The following ETV1 variants were observed in gnomAD, a reference collection of about 807,000 sequenced individuals.
ETV1 encodes ETS variant transcription factor 1, also known as ETS translocation variant 1.
In ETV1, 27 loss-of-function variants were observed where a neutral mutation model predicts 62.3. The ratio of observed to expected loss-of-function variants is 0.43; its 90% CI spans 0.32 to 0.60. The LOEUF is 0.60. Ranked by LOEUF, ETV1 falls within the 20% of genes least tolerant of loss-of-function variation. The pLI is 0.06. For missense variants in ETV1, 605 were observed against 605.8 expected (o/e 1.00, Z 0.01); for synonymous variants, 222 against 199.6 (o/e 1.11, Z -0.94).
intron 9 of ETV1, among the ~76,000 whole-genome samples, chr7:13,920,881 A>C (rs1784767764): frequency 6.6e-6 from 1 of 152,244 alleles, no homozygotes; most frequent in Non-Finnish European, 1.5e-5. Context: ...AGGCAAAGTC[A>C]AATTGTGAGG....
Position 13,891,838 on chromosome 7 carries a change from A to G in ETV1, c.*4028T>C, listed in dbSNP as rs186913334. Reference sequence around the variant, plus strand: ...TCCTCTCTTCTCCATACCAAATCGCAAATGGAAAATAGCTTACTCACTTCT... The same window carrying G: ...TCCTCTCTTCTCCATACCAAATCGCGAATGGAAAATAGCTTACTCACTTCT... On this transcript the variant is annotated 3_prime_UTR_variant, in exon 14 of 14. Transcript: ENST00000430479. 4.3e-6 allele frequency: 1 copy of G among 231,532 alleles called. No homozygotes were observed. The highest frequency in any genetic ancestry group is 8.5e-6 in the Non-Finnish European group (1 of 117,118). 14.3% of individuals were successfully genotyped at this position (231,532 alleles called of 1,614,324 possible). A position where few individuals can be genotyped will look rare whatever the true frequency, so the allele number is the denominator to read the frequency against.
At chr7:13,926,123 C>G (rs1785399389) in intron 9 of ETV1, among the ~76,000 whole-genome samples, 3 of 152,136 alleles carry the variant, frequency 2.0e-5, no homozygotes, top group South Asian at 4.2e-4. Flanking sequence ...TTTACAAGTA[C>G]CCATAACTTA....
intron 6 of ETV1, among the ~76,000 whole-genome samples, chr7:13,948,912 C>G (rs950483553): frequency 6.6e-6 from 1 of 152,016 alleles, no homozygotes; most frequent in Non-Finnish European, 1.5e-5. Context: ...AAATGTGCAG[C>G]CTTGTGTAGC....
chr7:13,927,326 C>A (rs1255717851), intron 9 of ETV1, among the ~76,000 whole-genome samples: 1 of 152,052 alleles, frequency 6.6e-6, no homozygotes, highest in Non-Finnish European at 1.5e-5. Flanking sequence ...GTGGCACACG[C>A]CTGTAGTCCC....
intron 6 of ETV1, among the ~76,000 whole-genome samples, chr7:13,961,582 A>G (rs1275117240): frequency 6.6e-6 from 1 of 152,220 alleles, no homozygotes; most frequent in East Asian, 1.9e-4. Context: ...ATCTTAATTG[A>G]AAAATCAACA....
chr7:13,950,802 T>C (rs1402164510), intron 6 of ETV1, among the ~76,000 whole-genome samples: 1 of 152,018 alleles, frequency 6.6e-6, no homozygotes, highest in Non-Finnish European at 1.5e-5. Flanking sequence ...CATTTCTTTG[T>C]TTCAGAGTGG....
At chr7:13,920,988 TCTA>T (rs1157359034) in intron 9 of ETV1, among the ~76,000 whole-genome samples, 1 of 152,198 alleles carries the variant, frequency 6.6e-6, no homozygotes, top group East Asian at 1.9e-4. Context: ...GATTAAGTGA[TCTA>T]CTAGTCCACA....
chr7:13,959,755 T>C (rs940159848), intron 6 of ETV1, among the ~76,000 whole-genome samples: 18 of 151,948 alleles, frequency 1.2e-4, no homozygotes, highest in Admixed American at 1.3e-4. Context: ...TGGTGGCACA[T>C]GCCTCTAATC....
At chr7:13,900,577 A>T (rs2128405919) in intron 13 of ETV1, 161 bp downstream of exon 13, 1 of 568,240 alleles carries the variant, frequency 1.8e-6, no homozygotes, top group East Asian at 2.9e-5. Flanking sequence ...CTAGGCATTT[A>T]TACATAGAAA....
chr7:13,929,282 CA>C (rs1349735615), intron 9 of ETV1, among the ~76,000 whole-genome samples: 1 of 152,288 alleles, frequency 6.6e-6, no homozygotes, highest in East Asian at 1.9e-4. Context: ...AGATACTCCC[CA>C]AATTACAGTC....
At chr7:13,898,953 A>C (rs1015016285) in intron 13 of ETV1, among the ~76,000 whole-genome samples, 7 of 152,164 alleles carry the variant, frequency 4.6e-5, no homozygotes, top group African/African-American at 1.7e-4. Context: ...ACATTGTGCC[A>C]GTTACAATGT....
intron 6 of ETV1, among the ~76,000 whole-genome samples, chr7:13,952,163 A>C (rs1029730141): frequency 2.0e-5 from 3 of 152,218 alleles, no homozygotes; most frequent in African/African-American, 7.2e-5. Context: ...GGAGTCGAGT[A>C]ATCTCTACCC....
At chr7:13,945,564 C>T (rs983800622) in intron 6 of ETV1, among the ~76,000 whole-genome samples, 1 of 152,034 alleles carries the variant, frequency 6.6e-6, no homozygotes, top group Non-Finnish European at 1.5e-5. Flanking sequence ...TAAAAATCTT[C>T]GACTTACAGC....
intron 9 of ETV1, among the ~76,000 whole-genome samples, chr7:13,916,530 C>A (rs1009138208): frequency 5.3e-5 from 8 of 151,962 alleles, no homozygotes; most frequent in African/African-American, 1.7e-4. Flanking sequence ...CCCAGCTACT[C>A]GGGAGGCTGA....
In ETV1 at chr7:13,950,053, T is replaced by C. The variant is rs544924761; in HGVS notation, c.236-10807A>G. Among the ~76,000 whole-genome samples the C allele has an allele frequency of 2.6e-5, 4 of 152,288 alleles. No individual in the cohort carries two copies. In the South Asian group the frequency reaches 6.2e-4, roughly 24 times the overall value. On this transcript the variant is annotated intron_variant, in intron 6 of 13. Coordinates refer to ENST00000430479, the MANE Select transcript of ETV1 (RefSeq NM_004956.5). ...AGTTATGTGAACTCTCATCCCTTTT[T>C]AGGAACATCAGGGTTTTTAAACTGA... is the stretch of plus-strand genomic sequence containing the variant.
At chr7:13,929,614 G>A (rs1306215689) in intron 9 of ETV1, among the ~76,000 whole-genome samples, 2 of 152,078 alleles carry the variant, frequency 1.3e-5, no homozygotes, top group African/African-American at 4.8e-5. Flanking sequence ...ATGCCTTCAC[G>A]AACAACTGCC....
chr7:13,930,231 G>A (rs1279561537), intron 9 of ETV1, among the ~76,000 whole-genome samples: 2 of 152,078 alleles, frequency 1.3e-5, no homozygotes, highest in Non-Finnish European at 2.9e-5. Context: ...TCCTGATTTG[G>A]CAGATTATAG....
Position 13,911,270 on chromosome 7 carries a change from T to A in ETV1, c.840A>T (p.Glu280Asp), listed in dbSNP as rs1562600592. The A allele has an allele frequency of 6.2e-7, 1 of 1,613,146 alleles. No homozygotes were observed. The highest frequency in any genetic ancestry group is 8.5e-7 in the Non-Finnish European group (1 of 1,179,306). The stretch of plus-strand genomic sequence containing the variant: ...TTCTGCTGGGATGAGCCAGGAAGCC[T>A]TCTTGCCTCATATAAATGGAGTGGC... ...PSCHSIYMRQ[E>D]GFLAHPSRTE... The change falls in exon 10 of 14, where the codon GAA (glutamate) becomes GAT (aspartate). Residue 280 changes from glutamate to aspartate, a missense_variant. Glu to Asp is a conservative substitution (Grantham distance 45). This residue lies in a region of ETV1 where 426 missense variants were observed against 377.8 expected (regional missense o/e 1.13). Transcript: ENST00000430479.
At chr7:13,965,798 G>A (rs1790714764) in intron 6 of ETV1, among the ~76,000 whole-genome samples, 1 of 152,076 alleles carries the variant, frequency 6.6e-6, no homozygotes, top group Non-Finnish European at 1.5e-5. Flanking sequence ...CTTTCCATTA[G>A]CCCTCAAAGA....
Sources: gnomAD v4.1 joint callset for allele counts (sites outside exome capture counted in the v4.1 genomes callset) on GRCh38, gnomAD v4.1.1 for gene constraint, gnomAD v4.1.1 regional missense constraint, MANE v1.5 for transcripts, NCBI Gene and HGNC (gene_info 2026-07-23, HGNC 2026-07-21) for gene names.